The following PRDM14 variants were observed in gnomAD, a reference collection of about 807,000 sequenced individuals.
The protein encoded by PRDM14 is PR/SET domain 14.
PRDM14 carries 16 observed loss-of-function variants against 48.0 expected under a neutral mutation model. The observed-to-expected ratio is 0.33, with a 90% confidence interval of 0.23 to 0.51. The LOEUF (loss-of-function observed/expected upper bound fraction) is 0.51. PRDM14 is among the 20% of genes least tolerant of loss of function. PRDM14 has a pLI of 0.97. For missense variants in PRDM14, 566 were observed against 719.6 expected (o/e 0.79, Z 2.44); for synonymous variants, 264 against 276.6 (o/e 0.95, Z 0.45).
At position 70,058,727 on chromosome 8, in the gene PRDM14, G is replaced by A; in HGVS notation, c.1299C>T (p.Pro433=). 6.2e-7 allele frequency: 1 copy of A among 1,614,086 alleles called. No homozygotes were observed. The highest frequency in any genetic ancestry group is 8.5e-7 in the Non-Finnish European group (1 of 1,179,982). The change falls in exon 6 of 8, where the codon CCC becomes CCT. Residue 433 remains proline, a synonymous_variant. Coordinates refer to ENST00000276594, the MANE Select transcript of PRDM14 (RefSeq NM_024504.4). ...PCVDKGDRKF[P]CSLCKRSFEK... is the part of the protein sequence containing the mutation. ...CAAAGGATCGTTTGCAGAGAGAACA[G>A]GGAAATTTCCTATCGCCCTTGTCCA...
intron 5 of PRDM14, among the ~76,000 whole-genome samples, chr8:70,060,561 G>A (rs1805562176): frequency 6.6e-6 from 1 of 152,114 alleles, no homozygotes; most frequent in Non-Finnish European, 1.5e-5. Flanking sequence ...ATTCAAATTA[G>A]GCTTCAAACA....
Position 70,069,861 on chromosome 8 carries a change from C to A in PRDM14, c.-1G>T. 1 of 1,584,398 alleles carries A rather than the reference C, an allele frequency of 6.3e-7. No homozygotes were observed. Among genetic ancestry groups the A allele is most frequent in the Non-Finnish European group, 8.6e-7 (1 of 1,164,106 alleles). On this transcript the variant is annotated 5_prime_UTR_variant, in exon 2 of 8. Transcript: ENST00000276594. ...CCTCACTTGGCCGGGGTAGAGCCAT[C>A]CCGGGACCGCACGCTCGGCGGCTCT...
intron 5 of PRDM14, among the ~76,000 whole-genome samples, chr8:70,062,306 T>C (rs529046401): frequency 6.6e-6 from 1 of 152,294 alleles, no homozygotes; most frequent in Non-Finnish European, 1.5e-5. Context: ...CGGCATACTA[T>C]TCCATGTTAA....
chr8:70,055,305 T>C lies in PRDM14; in HGVS notation c.1483A>G (p.Thr495Ala), dbSNP rs1805454501. The change falls in exon 7 of 8, where the codon ACT becomes GCT. Residue 495 changes from threonine to alanine, a missense_variant. By Grantham distance (58) the Thr-to-Ala change is moderately conservative (BLOSUM62 0). This residue lies in a region of PRDM14 where 126 missense variants were observed against 271.6 expected (regional missense o/e 0.46). Coordinates refer to ENST00000276594, the MANE Select transcript of PRDM14 (RefSeq NM_024504.4). ...TAGTAAGAGGTTCCATTTACCTTAG[T>C]ACAATACACACACTGGTATGGTCTG... Reference protein sequence around the residue: ...GDRPYQCVYCTKRFTASSILR... With the variant: ...GDRPYQCVYCAKRFTASSILR... The C allele has an allele frequency of 5.1e-6, 8 of 1,580,872 alleles. No individual in the cohort carries two copies. The highest frequency in any genetic ancestry group is 7.0e-6 in the Non-Finnish European group (8 of 1,150,058).
rs769392949 is a variant in PRDM14 at position 70,069,568 on chromosome 8, A to G, written c.293T>C (p.Leu98Pro). The part of the protein sequence containing the change: ...PLYDLPWYSK[L>P]PPWYPIPHVP... The stretch of plus-strand genomic sequence containing the variant: ...GTGGGGAATTGGGTACCACGGTGGC[A>G]GCTTGCTGTACCAGGGCAGATCGTA... Residue 98 changes from leucine to proline, a missense_variant, in exon 2 of 8, where the codon CTG becomes CCG. Leu to Pro is a moderately conservative substitution (Grantham distance 98, BLOSUM62 -3). This residue lies in a region of PRDM14 where 410 missense variants were observed against 424.6 expected (regional missense o/e 0.97). Transcript: ENST00000276594. 6.2e-7 allele frequency: 1 copy of G among 1,606,452 alleles called. No homozygotes were observed. Among genetic ancestry groups the G allele is most frequent in the South Asian group, 1.1e-5 (1 of 90,216 alleles).
intron 7 of PRDM14, among the ~76,000 whole-genome samples, chr8:70,052,914 C>T (rs975953050): frequency 3.7e-5 from 4 of 109,060 alleles, no homozygotes; most frequent in Admixed American, 3.1e-4. Flanking sequence ...GCCTGGGCAA[C>T]ATAGCAATAC....
chr8:70,068,442 T>G lies in PRDM14; in HGVS notation c.754+37A>C, dbSNP rs773093110. On this transcript the variant is annotated intron_variant, in intron 3 of 7. Transcript: ENST00000276594. The stretch of plus-strand genomic sequence containing the variant: ...ATGAGGAGAGTTGACTCTGCATTAG[T>G]TCAGGGAAAGAAATCCATGCAAGGA... 4 of 1,614,060 alleles carry G rather than the reference T, an allele frequency of 2.5e-6. No individual in the cohort carries two copies. In the Admixed American group the frequency reaches 5.0e-5, roughly 20 times the overall value.
chr8:70,069,038 G>A (rs1019314193), intron 2 of PRDM14, 123 bp downstream of exon 2: 14 of 733,714 alleles, frequency 1.9e-5, no homozygotes, highest in Non-Finnish European at 2.6e-5. Flanking sequence ...TCTCATGGAG[G>A]TACTTCCCCC....
At chr8:70,066,568 A>G in intron 4 of PRDM14, 63 bp from the exon 5 acceptor site, 2 of 1,338,064 alleles carry the variant, frequency 1.5e-6, no homozygotes, top group South Asian at 1.4e-5. Context: ...TATAAAATAA[A>G]TTTTTTAATA....
chr8:70,052,658 A>G (rs1239611037), intron 7 of PRDM14, among the ~76,000 whole-genome samples: 1 of 152,104 alleles, frequency 6.6e-6, no homozygotes, highest in Non-Finnish European at 1.5e-5. Flanking sequence ...TGAGGTCAGG[A>G]GTTCGAGACC....
chr8:70,068,315 T>C lies in PRDM14; in HGVS notation c.827A>G (p.Lys276Arg). 1 of 1,614,200 alleles carries C rather than the reference T, an allele frequency of 6.2e-7. No homozygotes were observed. The highest frequency in any genetic ancestry group is 8.5e-7 in the Non-Finnish European group (1 of 1,180,050). ...FGVFCSSFIA[K>R]GVRFGPFQGK... ...TTGAAAGGGCCCAAACCTGACTCCT[T>C]TGGCGATAAAACTACTGCAGAACAC... Residue 276 changes from lysine (K) to arginine (R), a missense_variant, in exon 4 of 8, where the codon AAA becomes AGA. Physicochemically the swap from Lys to Arg is conservative, Grantham distance 26. Coordinates refer to ENST00000276594, the MANE Select transcript of PRDM14 (RefSeq NM_024504.4).
At chr8:70,062,717 C>T (rs879425647) in intron 5 of PRDM14, among the ~76,000 whole-genome samples, 15 of 152,150 alleles carry the variant, frequency 9.9e-5, no homozygotes, top group African/African-American at 3.4e-4. Context: ...CTGCCTGCCT[C>T]GGCCTCCCAA....
intron 4 of PRDM14, 47 bp from the exon 5 acceptor site, chr8:70,066,552 C>A: frequency 6.7e-7 from 1 of 1,503,172 alleles, no homozygotes; most frequent in South Asian, 1.3e-5. Context: ...CTTTTTTGGT[C>A]TAATCTATAA....
intron 5 of PRDM14, among the ~76,000 whole-genome samples, chr8:70,064,936 G>A (rs1488753671): frequency 6.6e-6 from 1 of 151,150 alleles, no homozygotes; most frequent in Non-Finnish European, 1.5e-5. Flanking sequence ...GCCCAGGCTG[G>A]AGTGCAGTGG....
At chr8:70,055,058 C>T (rs796433537) in intron 7 of PRDM14, among the ~76,000 whole-genome samples, 1 of 152,152 alleles carries the variant, frequency 6.6e-6, no homozygotes, top group South Asian at 2.1e-4. Flanking sequence ...GTCATCAGGT[C>T]CCCATAAATT....
chr8:70,065,465 GCTA>G lies in PRDM14; in HGVS notation c.1183+767_1183+769del, dbSNP rs554893153. On this transcript the variant is annotated intron_variant, in intron 5 of 7. Coordinates refer to ENST00000276594, the MANE Select transcript of PRDM14 (RefSeq NM_024504.4). ...TGGGCTGGTGGTTCCCTCGCCCCTT[GCTA>G]CTGGAATGTGGACCAGGGACCAGGA... is the stretch of plus-strand genomic sequence containing the variant. 1.5e-3 allele frequency among the ~76,000 whole-genome samples: 229 copies of G among 152,186 alleles called. 2 individuals carry two copies. Among genetic ancestry groups the G allele is most frequent in the African/African-American group, 5.2e-3 (215 of 41,502 alleles).
At chr8:70,053,670 G>A (rs1268351343) in intron 7 of PRDM14, among the ~76,000 whole-genome samples, 2 of 152,190 alleles carry the variant, frequency 1.3e-5, no homozygotes, top group African/African-American at 2.4e-5. Flanking sequence ...GATTACAGGT[G>A]TGAGCCACCA....
chr8:70,069,268 G>A lies in PRDM14; in HGVS notation c.593C>T (p.Thr198Met). The change falls in exon 2 of 8, where the codon ACG becomes ATG. Residue 198 changes from threonine (T) to methionine (M), a missense_variant. Physicochemically the swap from Thr to Met is moderately conservative, Grantham distance 81 (BLOSUM62 -1). Around this residue, in one of 3 missense-constraint regions of PRDM14, gnomAD observed 410 missense variants for 424.6 expected, o/e 0.97. Coordinates refer to ENST00000276594, the MANE Select transcript of PRDM14 (RefSeq NM_024504.4). Reference protein sequence around the residue: ...EGKSPARFQFTEEDLHFVLYG... With the variant: ...EGKSPARFQFMEEDLHFVLYG... ...CAGAACGAAGTGCAGGTCCTCCTCC[G>A]TGAACTGGAACCGAGCAGGGGACTT... 1 of 1,610,250 alleles carries A rather than the reference G, an allele frequency of 6.2e-7. No individual in the cohort carries two copies. The highest frequency in any genetic ancestry group is 8.5e-7 in the Non-Finnish European group (1 of 1,178,050).
chr8:70,052,804 G>A (rs1247326148), intron 7 of PRDM14, among the ~76,000 whole-genome samples: 1 of 142,830 alleles, frequency 7.0e-6, no homozygotes, highest in Non-Finnish European at 1.5e-5. Context: ...GGCGGAGGTT[G>A]CAGTAAGCCG....
Sources: allele counts gnomAD v4.1 joint callset (sites outside exome capture counted in the v4.1 genomes callset), GRCh38; gene constraint gnomAD v4.1.1; regional missense constraint gnomAD v4.1.1; transcripts MANE v1.5; gene names NCBI Gene and HGNC (gene_info 2026-07-23, HGNC 2026-07-21).